PRKG1: variants seen among roughly 807,000 people sequenced by gnomAD.
The protein encoded by PRKG1 is cGMP-dependent protein kinase 1.
In PRKG1, 35 loss-of-function variants were observed where a neutral mutation model predicts 88.1. The ratio of observed to expected loss-of-function variants is 0.40; its 90% CI spans 0.30 to 0.53. The LOEUF (loss-of-function observed/expected upper bound fraction) is 0.53. Ranked by LOEUF, PRKG1 falls within the 20% of genes least tolerant of loss-of-function variation. The probability of loss-of-function intolerance (pLI) is 0.59; values close to 1 mark genes in which losing one functional copy is unlikely to be tolerated. For synonymous variants in PRKG1, 303 were observed against 292.5 expected (o/e 1.04, Z -0.37); for missense variants, 540 against 839.8 (o/e 0.64, Z 4.41).
intron 2 of PRKG1, among the ~76,000 whole-genome samples, chr10:51,328,367 T>G (rs1169094014): frequency 6.6e-6 from 1 of 152,218 alleles, no homozygotes; most frequent in Non-Finnish European, 1.5e-5. Flanking sequence ...ATTTTCTGTA[T>G]CCATTCATCC....
At chr10:52,128,348 A>G in intron 7 of PRKG1, 1 of 985,326 alleles carries the variant, frequency 1.0e-6, no homozygotes, top group Non-Finnish European at 1.2e-6. Flanking sequence ...GGCCTCATAC[A>G]TTCTGTGTTT....
rs1176975329 is a variant in PRKG1 at position 52,234,016 on chromosome 10, G to A, written c.1077-17554G>A. On this transcript the variant is annotated intron_variant, in intron 9 of 17. Coordinates refer to ENST00000373980, the MANE Select transcript of PRKG1 (RefSeq NM_006258.4). Reference sequence around the variant, plus strand: ...AGTGGGTCCCTGACCCCTGACCCCCGAGCAGTCTAACTGGGAGGCACCCCC... The same window carrying A: ...AGTGGGTCCCTGACCCCTGACCCCCAAGCAGTCTAACTGGGAGGCACCCCC... Among the ~76,000 whole-genome samples, 13 of 152,020 alleles carry A rather than the reference G, an allele frequency of 8.6e-5. No individual in the cohort carries two copies. In the East Asian group the frequency reaches 2.1e-3, roughly 25 times the overall value.
chr10:51,059,972 C>G (rs1219859531), intron 1 of PRKG1, among the ~76,000 whole-genome samples: 2 of 151,862 alleles, frequency 1.3e-5, no homozygotes, highest in Non-Finnish European at 2.9e-5. Flanking sequence ...GAATTTTTAC[C>G]TTTGCCAATG....
chr10:51,214,642 A>ATT (rs112556414), intron 2 of PRKG1, among the ~76,000 whole-genome samples: 82 of 151,744 alleles, frequency 5.4e-4, no homozygotes, highest in African/African-American at 1.9e-3. Context: ...ACCCCCAGCT[A>ATT]TATTTTTTTT....
intron 5 of PRKG1, among the ~76,000 whole-genome samples, chr10:51,975,446 TA>T (rs971014664): frequency 3.4e-4 from 50 of 148,448 alleles, no homozygotes; most frequent in African/African-American, 9.8e-4. Flanking sequence ...TTGTGGAAAA[TA>T]AAAAAAAAAT....
At chr10:52,088,572 G>A (rs534456677) in intron 7 of PRKG1, among the ~76,000 whole-genome samples, 37 of 152,214 alleles carry the variant, frequency 2.4e-4, no homozygotes, top group African/African-American at 7.5e-4. Context: ...TGAACACAGC[G>A]TTCATGTCTT....
chr10:51,743,507 G>A (rs1425092962), intron 3 of PRKG1, among the ~76,000 whole-genome samples: 4 of 151,546 alleles, frequency 2.6e-5, no homozygotes, highest in African/African-American at 7.3e-5. Context: ...TGTTGCCTCA[G>A]TAACATCTTC....
rs1841754677 is a variant in PRKG1, at chr10:52,272,435, A to C, written c.1357A>C (p.Met453Leu). 1 of 1,611,314 alleles carries C rather than the reference A, an allele frequency of 6.2e-7. No homozygotes were observed. Among genetic ancestry groups the C allele is most frequent in the South Asian group, 1.1e-5 (1 of 90,954 alleles). The change falls in exon 12 of 18, where the codon ATG becomes CTG. Residue 453 changes from methionine to leucine, a missense_variant. By Grantham distance (15) the Met-to-Leu change is conservative (BLOSUM62 2). Transcript: ENST00000373980. ...FKDSKYLYMLMEACLGGELWT... is the reference protein window; with the variant it reads ...FKDSKYLYMLLEACLGGELWT... ...GGACAGCAAATATTTGTATATGTTG[A>C]TGGAAGCTTGTCTAGGTGGAGAGCT... is the stretch of plus-strand genomic sequence containing the variant.
chr10:51,921,078 T>A (rs1842453026), intron 5 of PRKG1, among the ~76,000 whole-genome samples: 1 of 152,102 alleles, frequency 6.6e-6, no homozygotes, highest in Non-Finnish European at 1.5e-5. Flanking sequence ...ATGTCATATA[T>A]CCATCATTAC....
chr10:51,226,113 A>T (rs556136779), intron 2 of PRKG1, among the ~76,000 whole-genome samples: 3 of 152,258 alleles, frequency 2.0e-5, no homozygotes, highest in South Asian at 4.2e-4. Context: ...CTGAGGCATG[A>T]GAATTACTTG....
chr10:52,140,460 T>C (rs1471338762), intron 8 of PRKG1, among the ~76,000 whole-genome samples: 1 of 152,072 alleles, frequency 6.6e-6, no homozygotes, highest in East Asian at 1.9e-4. Flanking sequence ...TCTTTCGCAT[T>C]GTATCCCCAT....
At chr10:51,653,659 C>A (rs190562266) in intron 3 of PRKG1, among the ~76,000 whole-genome samples, 1 of 151,952 alleles carries the variant, frequency 6.6e-6, no homozygotes, top group Non-Finnish European at 1.5e-5. Context: ...CTCTGCCTCC[C>A]GAGTTCAAGC....
In PRKG1 at chr10:51,775,675, C is replaced by T. The variant is rs111492632; in HGVS notation, c.593-28910C>T. Among the ~76,000 whole-genome samples the T allele has an allele frequency of 6.6e-3, 1,002 of 151,996 alleles. 7 individuals are homozygous for T. Among genetic ancestry groups the T allele is most frequent in the Non-Finnish European group, 0.011 (745 of 67,964 alleles). ...TCTCGGCTCACTGTAACCACCACCTCCCAGGTTCAAGCGATTCTCCTGCCT... is the reference window on the plus strand; with the variant it reads ...TCTCGGCTCACTGTAACCACCACCTTCCAGGTTCAAGCGATTCTCCTGCCT... On this transcript the variant is annotated intron_variant, in intron 3 of 17. Coordinates refer to ENST00000373980, the MANE Select transcript of PRKG1 (RefSeq NM_006258.4).
At chr10:51,418,462 A>G (rs1445294396) in intron 2 of PRKG1, among the ~76,000 whole-genome samples, 5 of 152,218 alleles carry the variant, frequency 3.3e-5, no homozygotes, top group African/African-American at 1.2e-4. Context: ...GTCACTCAAC[A>G]TGGGACTAGC....
In PRKG1 at chr10:52,209,706, A is replaced by G. The variant is rs539511875; in HGVS notation, c.1077-41864A>G. Among the ~76,000 whole-genome samples the G allele has an allele frequency of 3.9e-5, 6 of 152,258 alleles. No homozygotes were observed. In the East Asian group the frequency reaches 7.7e-4, roughly 20 times the overall value. On this transcript the variant is annotated intron_variant, in intron 9 of 17. Transcript: ENST00000373980. ...ACCTGCTTCTCCTCTAATTTTCTCT[A>G]TATCACAAAGCGGCAGCACCATCCA...
chr10:51,167,530 T>C (rs962812374), intron 2 of PRKG1, among the ~76,000 whole-genome samples: 12 of 152,124 alleles, frequency 7.9e-5, no homozygotes, highest in African/African-American at 2.9e-4. Flanking sequence ...GAAAAATGGA[T>C]TCCACTAATA....
At chr10:51,661,286 T>G (rs1042773180) in intron 3 of PRKG1, among the ~76,000 whole-genome samples, 1 of 152,122 alleles carries the variant, frequency 6.6e-6, no homozygotes, top group Non-Finnish European at 1.5e-5. Context: ...TTGCTTCCAG[T>G]GTGTTTGGTT....
Position 51,074,830 on chromosome 10 carries a change from C to T in PRKG1, c.240C>T (p.Ser80=), listed in dbSNP as rs143971889. Residue 80 remains serine (S), a synonymous_variant, in exon 1 of 18, where the codon TCC becomes TCT. Coordinates refer to ENST00000373980, the MANE Select transcript of PRKG1 (RefSeq NM_006258.4). Reference sequence around the variant, plus strand: ...CGCGCACCAAGCGGCAGGCGATCTCCGCCGAGCCCACCGCCTTCGACATCC... The same window carrying T: ...CGCGCACCAAGCGGCAGGCGATCTCTGCCGAGCCCACCGCCTTCGACATCC... The part of the protein sequence containing the change: ...GEPRTKRQAI[S]AEPTAFDIQD... The T allele has an allele frequency of 7.4e-6, 12 of 1,613,496 alleles. No homozygotes were observed. The highest frequency in any genetic ancestry group is 9.3e-6 in the Non-Finnish European group (11 of 1,179,782).
At chr10:51,356,046 A>G (rs1842359258) in intron 2 of PRKG1, among the ~76,000 whole-genome samples, 1 of 152,052 alleles carries the variant, frequency 6.6e-6, no homozygotes. Context: ...TGCTATGACA[A>G]TAACATTTTT....
Sources: gnomAD v4.1 joint callset for allele counts (sites outside exome capture counted in the v4.1 genomes callset) on GRCh38, gnomAD v4.1.1 for gene constraint, MANE v1.5 for transcripts, NCBI Gene and HGNC (gene_info 2026-07-23, HGNC 2026-07-21) for gene names.